OR2A12: variants seen among roughly 807,000 people sequenced by gnomAD.
The protein encoded by OR2A12 is olfactory receptor family 2 subfamily A member 12, also known as olfactory receptor 2A12.
For synonymous variants in OR2A12, 153 were observed against 149.3 expected (o/e 1.02, Z -0.18); for missense variants, 380 against 372.5 (o/e 1.02, Z -0.17).
At chr7:144,090,076 G>C (rs569666335) in intron 1 of OR2A12, among the ~76,000 whole-genome samples, 41 of 152,166 alleles carry the variant, frequency 2.7e-4, no homozygotes, top group African/African-American at 9.1e-4. Context: ...TAAAATTGTG[G>C]AATGACAGCT....
chr7:144,094,099 A>G (rs2051245329), intron 1 of OR2A12, among the ~76,000 whole-genome samples: 1 of 152,246 alleles, frequency 6.6e-6, no homozygotes, highest in East Asian at 1.9e-4. Context: ...TAAAACAAAC[A>G]TGTTTATTAG....
chr7:144,094,439 T>C (rs1343938124), intron 1 of OR2A12, among the ~76,000 whole-genome samples: 1 of 152,214 alleles, frequency 6.6e-6, no homozygotes, highest in Non-Finnish European at 1.5e-5. Flanking sequence ...ACAACTTGCC[T>C]TAACCCCATA....
In OR2A12 at chr7:144,096,595, T is replaced by G. The variant is rs2128803368; in HGVS notation, c.*555T>G. ...ACTCATGAACATAGATGCAAACCTC[T>G]TAAAGAAAATATTAATGAAACAAGT... On this transcript the variant is annotated 3_prime_UTR_variant, in exon 2 of 2. Coordinates refer to ENST00000641592, the MANE Select transcript of OR2A12 (RefSeq NM_001004135.2). 1 of 152,274 alleles carries G rather than the reference T, an allele frequency of 6.6e-6. No individual in the cohort carries two copies. Among genetic ancestry groups the G allele is most frequent in the East Asian group, 1.9e-4 (1 of 5,188 alleles). 9.4% of individuals were successfully genotyped at this position (152,274 alleles called of 1,614,324 possible).
chr7:144,096,204 C>A lies in OR2A12; in HGVS notation c.*164C>A. 1.7e-6 allele frequency: 1 copy of A among 572,008 alleles called. No homozygotes were observed. The highest frequency in any genetic ancestry group is 3.0e-6 in the Non-Finnish European group (1 of 334,510). 35.4% of individuals were successfully genotyped at this position (572,008 alleles called of 1,614,324 possible). A position where few individuals can be genotyped will look rare whatever the true frequency, so the allele number is the denominator to read the frequency against. On this transcript the variant is annotated 3_prime_UTR_variant, in exon 2 of 2. Coordinates refer to ENST00000641592, the MANE Select transcript of OR2A12 (RefSeq NM_001004135.2). The stretch of plus-strand genomic sequence containing the variant: ...GCGTGGTGGCTGAAGCCTGTAATCC[C>A]AACACTTTGGGAGGCTGACCTGGGC...
intron 1 of OR2A12, among the ~76,000 whole-genome samples, chr7:144,089,184 T>C (rs987130051): frequency 3.9e-5 from 6 of 152,204 alleles, no homozygotes; most frequent in Admixed American, 6.5e-5. Flanking sequence ...TTTGTGGATT[T>C]TTCTTTTCAT....
chr7:144,091,437 C>A (rs899784281), intron 1 of OR2A12, among the ~76,000 whole-genome samples: 1 of 152,154 alleles, frequency 6.6e-6, no homozygotes, highest in South Asian at 2.1e-4. Flanking sequence ...AATCTCCAAA[C>A]TCCTTTCTGC....
chr7:144,091,541 A>G lies in OR2A12; in HGVS notation c.-51-3516A>G, dbSNP rs1586900403. ...CAGCATCTGTTATGTTTTGACTTTA[A>G]CAGTAGCCCTTCTGACTGATGTGAG... On this transcript the variant is annotated intron_variant, in intron 1 of 1. Coordinates refer to ENST00000641592, the MANE Select transcript of OR2A12 (RefSeq NM_001004135.2). 2.0e-5 allele frequency among the ~76,000 whole-genome samples: 3 copies of G among 152,308 alleles called. No individual in the cohort carries two copies. The South Asian group carries it at 6.2e-4, about 32-fold the overall frequency.
chr7:144,090,997 T>G (rs768591569), intron 1 of OR2A12, among the ~76,000 whole-genome samples: 61 of 152,234 alleles, frequency 4.0e-4, no homozygotes, highest in Admixed American at 2.8e-3. Flanking sequence ...TAAATGTACA[T>G]GTTTATGTGT....
In OR2A12 at chr7:144,096,229, C is replaced by T. The variant is rs1047357969; in HGVS notation, c.*189C>T. The T allele has an allele frequency of 5.8e-5, 28 of 480,896 alleles. No homozygotes were observed. Among genetic ancestry groups the T allele is most frequent in the East Asian group, 1.1e-4 (3 of 28,178 alleles). 29.8% of individuals were successfully genotyped at this position (480,896 alleles called of 1,614,324 possible). On this transcript the variant is annotated 3_prime_UTR_variant, in exon 2 of 2. Transcript: ENST00000641592. ...CAACACTTTGGGAGGCTGACCTGGG[C>T]GGATTACCTGAGGTCAGGAGTTCGA...
At position 144,095,295 on chromosome 7, in the gene OR2A12, C is replaced by T. The variant is rs1447180793; in HGVS notation, c.188C>T (p.Ser63Leu). The T allele has an allele frequency of 6.2e-7, 1 of 1,614,014 alleles. No individual in the cohort carries two copies. The highest frequency in any genetic ancestry group is 2.2e-5 in the East Asian group (1 of 44,874). ...RLHTPMYVFLSHLAIVDMSYA... is the reference protein window; with the variant it reads ...RLHTPMYVFLLHLAIVDMSYA... ...CACACACCCATGTATGTCTTCCTGT[C>T]ACACCTGGCCATTGTGGACATGTCC... Residue 63 changes from serine to leucine, a missense_variant, in exon 2 of 2, where the codon TCA becomes TTA. Transcript: ENST00000641592.
chr7:144,086,565 CT>C (rs2128801966), intron 1 of OR2A12, 22 bp downstream of exon 1: 1 of 152,290 alleles, frequency 6.6e-6, no homozygotes, highest in African/African-American at 2.4e-5. Flanking sequence ...GATAATGGGC[CT>C]CTTTTAAGTA....
chr7:144,087,900 C>A (rs184070881), intron 1 of OR2A12, among the ~76,000 whole-genome samples: 1 of 152,116 alleles, frequency 6.6e-6, no homozygotes, highest in Non-Finnish European at 1.5e-5. Flanking sequence ...GTGGTAGGGG[C>A]CATGTTTTGG....
At chr7:144,090,762 A>C (rs567158417) in intron 1 of OR2A12, among the ~76,000 whole-genome samples, 37 of 152,296 alleles carry the variant, frequency 2.4e-4, no homozygotes, top group African/African-American at 7.0e-4. Context: ...AAGCTCCCAC[A>C]TATAAATGAG....
In OR2A12 at chr7:144,093,031, T is replaced by A. The variant is rs571645236; in HGVS notation, c.-51-2026T>A. On this transcript the variant is annotated intron_variant, in intron 1 of 1. Coordinates refer to ENST00000641592, the MANE Select transcript of OR2A12 (RefSeq NM_001004135.2). ...GTCATCCACGAAAATTGTCGGTCAT[T>A]TACATTTATTTAGAATTTATTTTTT... is the stretch of plus-strand genomic sequence containing the variant. Among the ~76,000 whole-genome samples, 77 of 147,734 alleles carry A rather than the reference T, an allele frequency of 5.2e-4. No individual in the cohort carries two copies. The South Asian group carries it at 0.015, about 29-fold the overall frequency.
In OR2A12 at chr7:144,095,240, C is replaced by G. The variant is rs772018778; in HGVS notation, c.133C>G (p.Leu45Val). 18 of 1,613,852 alleles carry G rather than the reference C, an allele frequency of 1.1e-5. No homozygotes were observed. In the Admixed American group the frequency reaches 1.3e-4, roughly 12 times the overall value. Residue 45 changes from leucine (L) to valine (V), a missense_variant, in exon 2 of 2, where the codon CTG becomes GTG. Transcript: ENST00000641592. ...AACCCTGATGGGAAATGGGATTATC[C>G]TGGGGCTCATCTACTTGGACTCTAG... ...SLTLMGNGII[L>V]GLIYLDSRLH...
At chr7:144,086,696 C>T (rs1440347472) in intron 1 of OR2A12, among the ~76,000 whole-genome samples, 153 bp downstream of exon 1, 1 of 152,166 alleles carries the variant, frequency 6.6e-6, no homozygotes, top group Non-Finnish European at 1.5e-5. Context: ...CAGGTGCAGG[C>T]AATTCAGCTC....
intron 1 of OR2A12, among the ~76,000 whole-genome samples, chr7:144,094,161 CATT>C (rs1335061921): frequency 6.6e-6 from 1 of 151,588 alleles, no homozygotes; most frequent in East Asian, 2.0e-4. Flanking sequence ...TTATTATCAT[CATT>C]ATTATTATTT....
chr7:144,091,073 G>A (rs921635773), intron 1 of OR2A12, among the ~76,000 whole-genome samples: 1 of 152,202 alleles, frequency 6.6e-6, no homozygotes, highest in Non-Finnish European at 1.5e-5. Context: ...TGAGTCAAAT[G>A]GTAATTCTGT....
rs1005481205 is a variant in OR2A12, at chr7:144,093,585, G to A, written c.-51-1472G>A. 2.0e-5 allele frequency among the ~76,000 whole-genome samples: 3 copies of A among 151,116 alleles called. 1 individual carries two copies. Among genetic ancestry groups the A allele is most frequent in the South Asian group, 4.2e-4 (2 of 4,762 alleles). On this transcript the variant is annotated intron_variant, in intron 1 of 1. Coordinates refer to ENST00000641592, the MANE Select transcript of OR2A12 (RefSeq NM_001004135.2). ...GTTGGTGTGCTGCACCCATTAACTCGTCATTTACATTAGGTATATCTCCTA... is the reference window on the plus strand; with the variant it reads ...GTTGGTGTGCTGCACCCATTAACTCATCATTTACATTAGGTATATCTCCTA...
Sources: gnomAD v4.1 joint callset for allele counts (sites outside exome capture counted in the v4.1 genomes callset) on GRCh38, gnomAD v4.1.1 for gene constraint, MANE v1.5 for transcripts, NCBI Gene and HGNC (gene_info 2026-07-23, HGNC 2026-07-21) for gene names.